The following ATG2A variants were observed in gnomAD, a reference collection of about 807,000 sequenced individuals.
ATG2A encodes the protein autophagy-related protein 2 homolog A.
Under a neutral mutation model 214.2 loss-of-function variants are expected in ATG2A, and 103 were observed. The ratio of observed to expected loss-of-function variants is 0.48; its 90% confidence interval spans 0.41 to 0.57. ATG2A has a LOEUF of 0.57. Ranked by LOEUF, ATG2A falls within the 20% of genes least tolerant of loss-of-function variation. The pLI is 0.00. For missense variants in ATG2A, 2,312 were observed against 2,613.2 expected, an observed-to-expected ratio of 0.88 and a Z score of 2.51; for synonymous variants, 1,160 against 1,142.1, an observed-to-expected ratio of 1.02 and a Z score of -0.32.
Position 64,913,742 on chromosome 11 carries a change from T to A in ATG2A, c.590+79A>T. The A allele has an allele frequency of 7.1e-7, 1 of 1,416,544 alleles. No individual in the cohort carries two copies. The highest frequency in any genetic ancestry group is 9.8e-7 in the Non-Finnish European group (1 of 1,017,774). 87.7% of individuals were successfully genotyped at this position (1,416,544 alleles called of 1,614,324 possible). A position where few individuals can be genotyped will look rare whatever the true frequency, so the allele number is the denominator to read the frequency against. Reference sequence around the variant, plus strand: ...TCCACCCTGCCTCTTCCCAGGAACCTAGGCTGCGGGTGGGGACCATCCAGC... The same window carrying A: ...TCCACCCTGCCTCTTCCCAGGAACCAAGGCTGCGGGTGGGGACCATCCAGC... On this transcript the variant is annotated intron_variant, in intron 4 of 40. Transcript: ENST00000377264. This position sits in a 1 kb window ranked among gnomAD's most constrained non-coding sequence, Gnocchi z 4.3.
chr11:64,913,032 A>T lies in ATG2A; in HGVS notation c.825+6T>A, dbSNP rs997472861. 6.5e-7 allele frequency: 1 copy of T among 1,544,494 alleles called. No homozygotes were observed. The highest frequency in any genetic ancestry group is 1.4e-5 in the African/African-American group (1 of 72,522). On this transcript the variant is annotated splice_donor_region_variant and intron_variant, in intron 6 of 40. Coordinates refer to ENST00000377264, the MANE Select transcript of ATG2A (RefSeq NM_015104.3). The surrounding 1 kb of genome is among the most constrained non-coding windows in gnomAD (Gnocchi z 4.3). ...TCACCCCCTCCCCAGGGGCCTGGGG[A>T]CCCACCTTGGGGCCAGGGAAGGCCT...
chr11:64,914,443 C>T lies in ATG2A; in HGVS notation c.229G>A (p.Val77Met), dbSNP rs964525967. ...ESPLELVEGF[V>M]GSIEVAVPWA... ...GGCACGGCCACCTCGATGGAGCCCA[C>T]GAAGCCTTCCACCAGCTCCAGCGGT... Residue 77 changes from valine (V) to methionine (M), a missense_variant, in exon 2 of 41, where the codon GTG becomes ATG. Val to Met is a conservative substitution (Grantham distance 21, BLOSUM62 1). Transcript: ENST00000377264. 9.3e-6 allele frequency: 15 copies of T among 1,612,706 alleles called. No individual in the cohort carries two copies. The highest frequency in any genetic ancestry group is 1.1e-5 in the Non-Finnish European group (13 of 1,179,758).
chr11:64,910,640 T>G lies in ATG2A; in HGVS notation c.1683A>C (p.Thr561=). 1 of 1,607,112 alleles carries G rather than the reference T, an allele frequency of 6.2e-7. No homozygotes were observed. The highest frequency in any genetic ancestry group is 8.5e-7 in the Non-Finnish European group (1 of 1,177,170). The change falls in exon 12 of 41, where the codon ACA becomes ACC. Residue 561 remains threonine, a synonymous_variant. Coordinates refer to ENST00000377264, the MANE Select transcript of ATG2A (RefSeq NM_015104.3). The part of the protein sequence containing the change: ...SARPCAHLRH[T]QILRRVPKSR... ...CCTTAGGCACACGGCGCAGGATCTG[T>G]GTGTGGCGCAGATGGGCGCAGGGCC...
chr11:64,914,037 C>T, intron 3 of ATG2A, 44 bp downstream of exon 3: 1 of 1,542,416 alleles, frequency 6.5e-7, no homozygotes, highest in Non-Finnish European at 8.8e-7. Context: ...TTCTGTGTGC[C>T]ACTGAAGGGC....
In ATG2A at chr11:64,901,078, C is replaced by T; in HGVS notation, c.4134G>A (p.Glu1378=). 1.3e-6 allele frequency: 2 copies of T among 1,568,398 alleles called. No individual in the cohort carries two copies. Among genetic ancestry groups the T allele is most frequent in the Non-Finnish European group, 1.7e-6 (2 of 1,156,918 alleles). The change falls in exon 30 of 41, where the codon GAG becomes GAA. Residue 1378 remains glutamate, a synonymous_variant. Coordinates refer to ENST00000377264, the MANE Select transcript of ATG2A (RefSeq NM_015104.3). The stretch of plus-strand genomic sequence containing the variant: ...CGGGATGCAGCTGTGTCACCACAGG[C>T]TCCCCATCTCGGGGCTGCAGGGAGG... ...PGLGIPPRDG[E]PVVTQLHPGP...
In ATG2A at chr11:64,895,934, C is replaced by T. The variant is rs1159991467; in HGVS notation, c.5428-492G>A. ...TGCCCATGCATCCCTCCCACCTCCCCTGGAGCCCTGCCCTCTGTCCTGTTG... is the reference window on the plus strand; with the variant it reads ...TGCCCATGCATCCCTCCCACCTCCCTTGGAGCCCTGCCCTCTGTCCTGTTG... On this transcript the variant is annotated intron_variant, in intron 39 of 40. Transcript: ENST00000377264. The surrounding 1 kb of genome is among the most constrained non-coding windows in gnomAD (Gnocchi z 5.0). Among the ~76,000 whole-genome samples, 2 of 152,212 alleles carry T rather than the reference C, an allele frequency of 1.3e-5. No homozygotes were observed. Among genetic ancestry groups the T allele is most frequent in the Non-Finnish European group, 2.9e-5 (2 of 68,040 alleles).
At chr11:64,916,270 G>A (rs1333736037) in intron 1 of ATG2A, among the ~76,000 whole-genome samples, 4 of 152,072 alleles carry the variant, frequency 2.6e-5, no homozygotes, top group Non-Finnish European at 5.9e-5. Context: ...TTCCTCCAGG[G>A]CCTCCCTCCA....
chr11:64,909,298 C>G lies in ATG2A; in HGVS notation c.2177G>C (p.Ser726Thr). The G allele has an allele frequency of 6.2e-7, 1 of 1,613,744 alleles. No homozygotes were observed. The highest frequency in any genetic ancestry group is 8.5e-7 in the Non-Finnish European group (1 of 1,179,998). Residue 726 changes from serine (S) to threonine (T), a missense_variant, in exon 15 of 41, where the codon AGC becomes ACC. Physicochemically the swap from Ser to Thr is moderately conservative, Grantham distance 58. Coordinates refer to ENST00000377264, the MANE Select transcript of ATG2A (RefSeq NM_015104.3). ...GGGCAGGAAGTACTTGCGCCCAGTG[C>G]TCTTGGGGTCCAGGGCTTTGGAGAC... ...LRVSKALDPKSTGRKYFLPQV... is the reference protein window; with the variant it reads ...LRVSKALDPKTTGRKYFLPQV...
Position 64,895,553 on chromosome 11 carries a change from T to C in ATG2A, c.5428-111A>G. 7.9e-7 allele frequency: 1 copy of C among 1,261,126 alleles called. No homozygotes were observed. Among genetic ancestry groups the C allele is most frequent in the Non-Finnish European group, 1.1e-6 (1 of 939,410 alleles). The allele number at this position is 1,261,126 out of a possible 1,614,324, so 78.1% of individuals were successfully genotyped here. On this transcript the variant is annotated intron_variant, in intron 39 of 40. Coordinates refer to ENST00000377264, the MANE Select transcript of ATG2A (RefSeq NM_015104.3). The surrounding 1 kb of genome is among the most constrained non-coding windows in gnomAD (Gnocchi z 5.0). ...AGCCCTCAGCCTCCCTGCCTGTCACTGTGCTGGCCTAGGGGGTCCTGCTCA... is the reference window on the plus strand; with the variant it reads ...AGCCCTCAGCCTCCCTGCCTGTCACCGTGCTGGCCTAGGGGGTCCTGCTCA...
Position 64,897,501 on chromosome 11 carries a change from G to A in ATG2A, c.5068-7C>T. 1 of 1,582,350 alleles carries A rather than the reference G, an allele frequency of 6.3e-7. No homozygotes were observed. The stretch of plus-strand genomic sequence containing the variant: ...GGAGGCCAGCAAAAGTGCCCTGGGA[G>A]AGGGAGGGGGTCCAGGTTTACCCAA... On this transcript the variant is annotated splice_polypyrimidine_tract_variant and splice_region_variant and intron_variant, in intron 36 of 40. Coordinates refer to ENST00000377264, the MANE Select transcript of ATG2A (RefSeq NM_015104.3).
rs932487509 is a variant in ATG2A, at chr11:64,911,039, G to A, written c.1465C>T (p.Arg489Trp). The A allele has an allele frequency of 1.4e-5, 23 of 1,613,838 alleles. No homozygotes were observed. The East Asian group carries it at 2.0e-4, about 14-fold the overall frequency. ...CAGGCCCTGGCCTCGGGCTTATACC[G>A]AACATGGCTACAGGGACAGGCCCTC... ...FQRACPCSHV[R>W]LTGTAVQLSW... is the part of the protein sequence containing the mutation. The change falls in exon 10 of 41, where the codon CGG (arginine) becomes TGG (tryptophan). Residue 489 changes from arginine to tryptophan, a missense_variant and splice_region_variant. Arg to Trp is a moderately radical substitution (Grantham distance 101). Coordinates refer to ENST00000377264, the MANE Select transcript of ATG2A (RefSeq NM_015104.3).
chr11:64,910,465 G>T, intron 12 of ATG2A, 151 bp downstream of exon 12: 1 of 1,037,576 alleles, frequency 9.6e-7, no homozygotes. Context: ...CATAGGAAGG[G>T]CCAGGCAGGT....
Position 64,909,937 on chromosome 11 carries a change from T to TG in ATG2A, c.1864-14dup. ...GCAGGGGCTCTGTCTGCAGGAGGAT[T>TG]GGGGGTCAGAGCAGCCGTCGGAGCC... is the stretch of plus-strand genomic sequence containing the variant. On this transcript the variant is annotated splice_polypyrimidine_tract_variant and intron_variant, in intron 13 of 40. Transcript: ENST00000377264. 4 of 1,594,760 alleles carry TG rather than the reference T, an allele frequency of 2.5e-6. No individual in the cohort carries two copies. The highest frequency in any genetic ancestry group is 4.5e-5 in the East Asian group (2 of 44,482).
Position 64,905,768 on chromosome 11 carries a change from G to A in ATG2A, c.3345C>T (p.His1115=), listed in dbSNP as rs770945919. ...TATAGTCCACAGAGCAGGAGAACAG[G>A]TGTGTGTGCAGGATGGTGATGACCG... is the stretch of plus-strand genomic sequence containing the variant. The part of the protein sequence containing the change: ...PPTVITILHT[H]LFSCSVDYRP... The change falls in exon 23 of 41, where the codon CAC becomes CAT. Residue 1115 remains histidine, a synonymous_variant. Transcript: ENST00000377264. 3.1e-6 allele frequency: 5 copies of A among 1,613,964 alleles called. No individual in the cohort carries two copies. The highest frequency in any genetic ancestry group is 1.7e-5 in the Admixed American group (1 of 60,022).
chr11:64,911,448 T>C (rs638583), intron 9 of ATG2A, among the ~76,000 whole-genome samples, 173 bp from the exon 10 acceptor site: 151,318 of 152,264 alleles, frequency 0.99, 75,204 homozygotes, highest in East Asian at 1. Flanking sequence ...AGACCAGGCC[T>C]TCTGCCCAGG....
chr11:64,897,024 C>CTT (rs879757149), intron 37 of ATG2A, 155 bp from the exon 38 acceptor site: 798 of 891,730 alleles, frequency 8.9e-4, no homozygotes, highest in South Asian at 1.1e-3. Context: ...GGACTGTGTC[C>CTT]TTTTTTTTTT....
Position 64,903,576 on chromosome 11 carries a change from C to A in ATG2A, c.3535+14G>T. 1 of 1,542,880 alleles carries A rather than the reference C, an allele frequency of 6.5e-7. No homozygotes were observed. Among genetic ancestry groups the A allele is most frequent in the South Asian group, 1.2e-5 (1 of 83,618 alleles). On this transcript the variant is annotated intron_variant, in intron 25 of 40. Transcript: ENST00000377264. The surrounding 1 kb of genome is among the most constrained non-coding windows in gnomAD (Gnocchi z 4.2). ...CCCTCAGAGGGGAGGGAGCCCAGTC[C>A]CGGCCCTGCCCACCTCGCCGCAGGT...
rs535914611 is a variant in ATG2A, at chr11:64,898,464, C to A, written c.4672-102G>T. 1 of 1,332,240 alleles carries A rather than the reference C, an allele frequency of 7.5e-7. No homozygotes were observed. The highest frequency in any genetic ancestry group is 1.0e-6 in the Non-Finnish European group (1 of 969,270). The allele number at this position is 1,332,240 out of a possible 1,614,324, so 82.5% of individuals were successfully genotyped here. On this transcript the variant is annotated intron_variant, in intron 32 of 40. Coordinates refer to ENST00000377264, the MANE Select transcript of ATG2A (RefSeq NM_015104.3). The surrounding 1 kb of genome is among the most constrained non-coding windows in gnomAD (Gnocchi z 4.5). Reference sequence around the variant, plus strand: ...CACCCAGCCACCCTGCCTCTGAACACGCTGTTCCCTTCGCTAACACAGCCC... The same window carrying A: ...CACCCAGCCACCCTGCCTCTGAACAAGCTGTTCCCTTCGCTAACACAGCCC...
intron 22 of ATG2A, 32 bp downstream of exon 22, chr11:64,906,080 TG>T: frequency 7.1e-6 from 11 of 1,550,986 alleles, no homozygotes; most frequent in Non-Finnish European, 9.6e-6. Flanking sequence ...CCAGAGTCAC[TG>T]GGCCATGTGG....
Sources: gnomAD v4.1 joint callset for allele counts (sites outside exome capture counted in the v4.1 genomes callset) on GRCh38, gnomAD v4.1.1 for gene constraint, Gnocchi (gnomAD v3.1) non-coding constraint, MANE v1.5 for transcripts, NCBI Gene and HGNC (gene_info 2026-07-23, HGNC 2026-07-21) for gene names.